The following PLCH1 variants were observed in gnomAD, a reference collection of about 807,000 sequenced individuals.
PLCH1 encodes the protein 1-phosphatidylinositol 4,5-bisphosphate phosphodiesterase eta-1.
In PLCH1, 60 loss-of-function variants were observed where a neutral mutation model predicts 126.7. The ratio of observed to expected loss-of-function variants is 0.47; its 90% CI spans 0.38 to 0.59. The LOEUF (loss-of-function observed/expected upper bound fraction) is 0.59, where lower values mean the gene tolerates loss of function less well. Among genes scored for constraint, PLCH1 ranks in the 20% least tolerant of loss-of-function variants. PLCH1 has a pLI of 0.00. For missense variants in PLCH1, 1,723 were observed against 2,040.0 expected (o/e 0.84, Z 2.99); for synonymous variants, 719 against 734.9 (o/e 0.98, Z 0.35).
chr3:155,628,356 GAAAAAA>G (rs34200511), intron 2 of PLCH1, among the ~76,000 whole-genome samples: 6 of 98,154 alleles, frequency 6.1e-5, no homozygotes, highest in African/African-American at 2.6e-4. Context: ...CTATGCCCAG[GAAAAAA>G]AAAAAAAAAA....
intron 1 of PLCH1, among the ~76,000 whole-genome samples, chr3:155,708,555 C>A (rs1746858085): frequency 6.6e-6 from 1 of 152,164 alleles, no homozygotes; most frequent in African/African-American, 2.4e-5. Flanking sequence ...TCTTTCATGG[C>A]CCCGTTTGTG....
At chr3:155,713,328 G>T (rs1199956089) in intron 1 of PLCH1, among the ~76,000 whole-genome samples, 1 of 152,218 alleles carries the variant, frequency 6.6e-6, no homozygotes, top group Admixed American at 6.5e-5. Context: ...TGTCCCTCCA[G>T]CAGGAGCCTC....
intron 2 of PLCH1, among the ~76,000 whole-genome samples, chr3:155,639,037 A>G (rs1459267196): frequency 1.3e-5 from 2 of 152,216 alleles, no homozygotes; most frequent in Non-Finnish European, 2.9e-5. Flanking sequence ...ATGCATCTCT[A>G]TATTACAGCA....
At chr3:155,488,128 C>CGTGGT in intron 20 of PLCH1, 21 bp from the exon 21 acceptor site, 1 of 1,535,216 alleles carries the variant, frequency 6.5e-7, no homozygotes, top group Non-Finnish European at 9.0e-7. Context: ...GAAAGAGAGT[C>CGTGGT]GTTTCTTTTT....
intron 11 of PLCH1, among the ~76,000 whole-genome samples, chr3:155,515,209 TC>T (rs1720153890): frequency 6.6e-6 from 1 of 152,218 alleles, no homozygotes; most frequent in South Asian, 2.1e-4. Flanking sequence ...AGTAAGTTGT[TC>T]CTGGTTACAT....
chr3:155,512,287 T>G (rs1719685991), intron 12 of PLCH1, among the ~76,000 whole-genome samples: 1 of 152,124 alleles, frequency 6.6e-6, no homozygotes, highest in African/African-American at 2.4e-5. Flanking sequence ...CCGGCACATC[T>G]TTCACTGAAT....
intron 7 of PLCH1, among the ~76,000 whole-genome samples, chr3:155,566,103 A>ATATATATACATACATATATG (rs1728326165): frequency 1.2e-5 from 1 of 80,298 alleles, no homozygotes; most frequent in Non-Finnish European, 3.1e-5. Flanking sequence ...ATAACCTAAT[A>ATATATATACATACATATATG]TATATATACA....
intron 2 of PLCH1, among the ~76,000 whole-genome samples, chr3:155,671,841 T>A (rs761212168): frequency 1.3e-5 from 2 of 152,142 alleles, no homozygotes; most frequent in African/African-American, 4.8e-5. Context: ...GTTGGAGATA[T>A]AAAAGTAACA....
At chr3:155,500,412 T>C (rs1717721796) in intron 14 of PLCH1, among the ~76,000 whole-genome samples, 1 of 152,212 alleles carries the variant, frequency 6.6e-6, no homozygotes, top group South Asian at 2.1e-4. Flanking sequence ...TTTAGTCTCT[T>C]GTGACGGTCT....
At chr3:155,662,824 C>T (rs552671006) in intron 2 of PLCH1, among the ~76,000 whole-genome samples, 5 of 152,116 alleles carry the variant, frequency 3.3e-5, no homozygotes, top group South Asian at 4.1e-4. Context: ...CCACCACGCC[C>T]GGCTACTTTT....
intron 4 of PLCH1, among the ~76,000 whole-genome samples, chr3:155,589,434 T>A (rs185084693): frequency 3.1e-4 from 47 of 152,282 alleles, no homozygotes; most frequent in Non-Finnish European, 5.1e-4. Context: ...CAAAATGTTT[T>A]TCTTTTGATT....
In PLCH1 at chr3:155,583,652, G is replaced by T. The variant is rs2108596494; in HGVS notation, c.601-10C>A. ...CATCTGTGTCGGCTTCCTGAAAAGGGCATAGAGAAAATAAAGTAATATGAA... is the reference window on the plus strand; with the variant it reads ...CATCTGTGTCGGCTTCCTGAAAAGGTCATAGAGAAAATAAAGTAATATGAA... On this transcript the variant is annotated splice_polypyrimidine_tract_variant and intron_variant, in intron 5 of 22. Coordinates refer to ENST00000460012, the MANE Select transcript of PLCH1 (RefSeq NM_014996.4). 4 of 1,543,420 alleles carry T rather than the reference G, an allele frequency of 2.6e-6. 1 individual carries two copies. The South Asian group carries it at 5.0e-5, about 19-fold the overall frequency.
chr3:155,635,319 C>T (rs949066256), intron 2 of PLCH1, among the ~76,000 whole-genome samples: 3 of 152,246 alleles, frequency 2.0e-5, no homozygotes, highest in African/African-American at 7.2e-5. Flanking sequence ...CAGCTTGCAT[C>T]TCCTCCATCT....
intron 2 of PLCH1, among the ~76,000 whole-genome samples, chr3:155,625,704 TC>T (rs991320619): frequency 9.9e-5 from 15 of 152,116 alleles, no homozygotes; most frequent in African/African-American, 3.6e-4. Flanking sequence ...AGAATGGCGA[TC>T]ATTAAAAAAC....
intron 21 of PLCH1, among the ~76,000 whole-genome samples, chr3:155,464,639 T>C (rs1374276996): frequency 6.6e-6 from 1 of 152,166 alleles, no homozygotes; most frequent in African/African-American, 2.4e-5. Context: ...GTGAGTGCCT[T>C]GTGACCGAAT....
Position 155,549,897 on chromosome 3 carries a change from G to A in PLCH1, c.1252C>T (p.Gln418Ter), listed in dbSNP as rs1725876409. ...CSIQQQRKIA[Q>*]YLKGIFGDKL... is the part of the protein sequence containing the mutation. ...TCTCCGAATATTCCTTTCAGGTACT[G>A]AGCAATCTTCCTTTGCTGCTGGATA... Residue 418 changes from glutamine to a stop codon, truncating the protein, a stop_gained, in exon 10 of 23, where the codon CAG becomes TAG. Transcript: ENST00000460012. LOFTEE classifies it high-confidence loss of function. 6.2e-7 allele frequency: 1 copy of A among 1,612,888 alleles called. No individual in the cohort carries two copies. The highest frequency in any genetic ancestry group is 8.5e-7 in the Non-Finnish European group (1 of 1,179,064).
chr3:155,653,180 T>C (rs541098822), intron 2 of PLCH1, among the ~76,000 whole-genome samples: 1 of 133,168 alleles, frequency 7.5e-6, no homozygotes, highest in South Asian at 2.5e-4. Flanking sequence ...GATATAGATA[T>C]AGATATAGAT....
At chr3:155,604,103 C>T (rs1039269583) in intron 2 of PLCH1, among the ~76,000 whole-genome samples, 12 of 151,958 alleles carry the variant, frequency 7.9e-5, no homozygotes, top group Non-Finnish European at 1.6e-4. Context: ...TAGACTCAAT[C>T]AATCAATCAA....
chr3:155,535,896 A>C (rs1723287790), intron 10 of PLCH1, among the ~76,000 whole-genome samples: 1 of 152,180 alleles, frequency 6.6e-6, no homozygotes, highest in Admixed American at 6.5e-5. Context: ...CACACTAAAC[A>C]AAACAACCAA....
Sources: gnomAD v4.1 joint callset for allele counts (sites outside exome capture counted in the v4.1 genomes callset) on GRCh38, gnomAD v4.1.1 for gene constraint, MANE v1.5 for transcripts, NCBI Gene and HGNC (gene_info 2026-07-23, HGNC 2026-07-21) for gene names.